Variants in ZBTB46 observed in about 807,000 individuals in gnomAD.
ZBTB46 encodes the protein zinc finger and BTB domain-containing protein 46.
ZBTB46 carries 8 observed loss-of-function variants against 44.1 expected under a neutral mutation model. The observed-to-expected ratio is 0.18, with a 90% CI of 0.11 to 0.33. The LOEUF is 0.33. Among genes scored for constraint, ZBTB46 ranks in the 10% least tolerant of loss-of-function variants. The pLI is 1.00. For missense variants in ZBTB46, 651 were observed against 847.7 expected, an observed-to-expected ratio of 0.77 and a Z score of 2.88; for synonymous variants, 409 against 382.3, an observed-to-expected ratio of 1.07 and a Z score of -0.81.
Position 63,743,973 on chromosome 20 carries a change from A to G in ZBTB46, c.*2957T>C, listed in dbSNP as rs1209000863. On this transcript the variant is annotated 3_prime_UTR_variant, in exon 5 of 5. Coordinates refer to ENST00000245663, the MANE Select transcript of ZBTB46 (RefSeq NM_001369741.1). ...AGAAAAAAATCAACAATCTTCAAAC[A>G]CTGCCCTTTTTTTGTGTGTTTTGTT... The G allele has an allele frequency of 6.6e-6, 1 of 152,538 alleles. No individual in the cohort carries two copies. The highest frequency in any genetic ancestry group is 1.9e-4 in the East Asian group (1 of 5,342). The allele number at this position is 152,538 out of a possible 1,614,324, so 9.4% of individuals were successfully genotyped here.
At chr20:63,807,895 C>G (rs897459332) in intron 1 of ZBTB46, among the ~76,000 whole-genome samples, 1 of 152,250 alleles carries the variant, frequency 6.6e-6, no homozygotes, top group Non-Finnish European at 1.5e-5. Flanking sequence ...AAGTCCCCAC[C>G]TTGTGCGGCA....
At chr20:63,791,364 C>T (rs1601479111) in intron 1 of ZBTB46, among the ~76,000 whole-genome samples, 1 of 151,866 alleles carries the variant, frequency 6.6e-6, no homozygotes, top group African/African-American at 2.4e-5. Flanking sequence ...GGCATGGTGG[C>T]GGGAGCCTGT....
At chr20:63,811,126 G>A (rs898234524) in intron 1 of ZBTB46, among the ~76,000 whole-genome samples, 18 of 144,582 alleles carry the variant, frequency 1.2e-4, no homozygotes, top group Admixed American at 8.9e-4. Context: ...GCCCCACCCC[G>A]CCCAGCCCAC....
chr20:63,829,625 G>A (rs1237183695), intron 1 of ZBTB46, among the ~76,000 whole-genome samples: 1 of 152,182 alleles, frequency 6.6e-6, no homozygotes, highest in Non-Finnish European at 1.5e-5. Flanking sequence ...TGGTAACCAG[G>A]CTGAGGTGCC....
chr20:63,746,826 CCGCGAGAGGGGT>C lies in ZBTB46; in HGVS notation c.*92_*103del. 1 of 1,405,998 alleles carries C rather than the reference CCGCGAGAGGGGT, an allele frequency of 7.1e-7. No individual in the cohort carries two copies. Among genetic ancestry groups the C allele is most frequent in the Non-Finnish European group, 9.2e-7 (1 of 1,082,022 alleles). The allele number at this position is 1,405,998 out of a possible 1,614,324, so 87.1% of individuals were successfully genotyped here. A position where few individuals can be genotyped will look rare whatever the true frequency, so the allele number is the denominator to read the frequency against. On this transcript the variant is annotated 3_prime_UTR_variant, in exon 5 of 5. Coordinates refer to ENST00000245663, the MANE Select transcript of ZBTB46 (RefSeq NM_001369741.1). ...GGTTCAGGGGGAAGCAGAGGAGGGG[CCGCGAGAGGGGT>C]GAGCGTGGCCCTGGCCCCGCAGTGG...
chr20:63,747,723 T>C (rs1418797611), intron 4 of ZBTB46, among the ~76,000 whole-genome samples: 6 of 152,096 alleles, frequency 3.9e-5, no homozygotes, highest in Non-Finnish European at 1.5e-5. Context: ...AAGGCAGCCC[T>C]GTCCCAAGGG....
intron 1 of ZBTB46, among the ~76,000 whole-genome samples, chr20:63,810,455 G>A (rs1019734923): frequency 2.0e-5 from 3 of 152,050 alleles, no homozygotes; most frequent in African/African-American, 4.8e-5. Context: ...CCTTCCCCTC[G>A]CAAACCAAGG....
intron 1 of ZBTB46, among the ~76,000 whole-genome samples, chr20:63,826,746 A>G (rs896718893): frequency 5.3e-5 from 8 of 152,298 alleles, no homozygotes; most frequent in Non-Finnish European, 8.8e-5. Flanking sequence ...TGCTTCACGG[A>G]TGACTTTTCC....
chr20:63,787,890 G>A lies in ZBTB46; in HGVS notation c.937+1931C>T, dbSNP rs1019897000. On this transcript the variant is annotated intron_variant, in intron 2 of 4. Coordinates refer to ENST00000245663, the MANE Select transcript of ZBTB46 (RefSeq NM_001369741.1). The surrounding 1 kb of genome is among the most constrained non-coding windows in gnomAD (Gnocchi z 4.6). ...AGGAGGGACCAGGGTCAGGAGAAGA[G>A]GCCACACCCGCCCTGCCCAGGAAGC... 1 of 152,232 alleles carries A rather than the reference G, an allele frequency of 6.6e-6. No homozygotes were observed. The highest frequency in any genetic ancestry group is 6.5e-5 in the Admixed American group (1 of 15,280). The allele number at this position is 152,232 out of a possible 1,614,324, so 9.4% of individuals were successfully genotyped here.
rs1415055628 is a variant in ZBTB46, at chr20:63,787,882, G to A, written c.937+1939C>T. The stretch of plus-strand genomic sequence containing the variant: ...CGACGGAGAGGAGGGACCAGGGTCA[G>A]GAGAAGAGGCCACACCCGCCCTGCC... On this transcript the variant is annotated intron_variant, in intron 2 of 4. Transcript: ENST00000245663. The surrounding 1 kb of genome is among the most constrained non-coding windows in gnomAD (Gnocchi z 4.6). 6.6e-6 allele frequency: 1 copy of A among 152,272 alleles called. No homozygotes were observed. Among genetic ancestry groups the A allele is most frequent in the African/African-American group, 2.4e-5 (1 of 41,478 alleles). The allele number at this position is 152,272 out of a possible 1,614,324, so 9.4% of individuals were successfully genotyped here.
chr20:63,746,885 G>C lies in ZBTB46; in HGVS notation c.*45C>G. 1 of 1,474,740 alleles carries C rather than the reference G, an allele frequency of 6.8e-7. No individual in the cohort carries two copies. Among genetic ancestry groups the C allele is most frequent in the Non-Finnish European group, 9.0e-7 (1 of 1,114,162 alleles). 91.4% of individuals were successfully genotyped at this position (1,474,740 alleles called of 1,614,324 possible). On this transcript the variant is annotated 3_prime_UTR_variant, in exon 5 of 5. Coordinates refer to ENST00000245663, the MANE Select transcript of ZBTB46 (RefSeq NM_001369741.1). ...GTGGAGACCCACCGGACACACACAC[G>C]GGTGGACGGAGCGAGGCAGCCACCG...
At chr20:63,748,387 G>C (rs1250606091) in intron 4 of ZBTB46, among the ~76,000 whole-genome samples, 1 of 152,226 alleles carries the variant, frequency 6.6e-6, no homozygotes, top group Non-Finnish European at 1.5e-5. Flanking sequence ...GGCCCCAGGT[G>C]GGCTTCCGCT....
intron 2 of ZBTB46, among the ~76,000 whole-genome samples, chr20:63,783,525 G>A (rs2092487963): frequency 6.6e-6 from 1 of 152,216 alleles, no homozygotes; most frequent in Admixed American, 6.6e-5. Flanking sequence ...TCCTGTGAAG[G>A]GTGTTATTGT....
chr20:63,824,320 A>C (rs2092808851), intron 1 of ZBTB46, among the ~76,000 whole-genome samples: 1 of 152,088 alleles, frequency 6.6e-6, no homozygotes, highest in South Asian at 2.1e-4. Flanking sequence ...TTTCGAAAAT[A>C]CCTAAGCTGG....
chr20:63,831,148 G>GCGCCGGTGATCGCCGCCGC lies in ZBTB46; in HGVS notation c.-104_-86dup, dbSNP rs1461001661. The GCGCCGGTGATCGCCGCCGC allele has an allele frequency of 2.8e-5, 4 of 142,224 alleles. No individual in the cohort carries two copies. Among genetic ancestry groups the GCGCCGGTGATCGCCGCCGC allele is most frequent in the African/African-American group, 1.0e-4 (4 of 39,604 alleles). 8.8% of individuals were successfully genotyped at this position (142,224 alleles called of 1,614,324 possible). On this transcript the variant is annotated 5_prime_UTR_variant, in exon 1 of 5. Transcript: ENST00000245663. ...GGCGGGCGCCGCGGCCGCCGGGCCG[G>GCGCCGGTGATCGCCGCCGC]CGCCGGTGATCGCCGCCGCCGCCGG... is the stretch of plus-strand genomic sequence containing the variant.
chr20:63,745,516 C>T lies in ZBTB46; in HGVS notation c.*1414G>A, dbSNP rs1601375018. On this transcript the variant is annotated 3_prime_UTR_variant, in exon 5 of 5. Coordinates refer to ENST00000245663, the MANE Select transcript of ZBTB46 (RefSeq NM_001369741.1). ...AGGCTAGAAAAAGAGAGTAAAAACTCTTTCCACGCAGCCCTGAAGCTCAGC... is the reference window on the plus strand; with the variant it reads ...AGGCTAGAAAAAGAGAGTAAAAACTTTTTCCACGCAGCCCTGAAGCTCAGC... The T allele has an allele frequency of 1.3e-5, 2 of 152,272 alleles. No homozygotes were observed. The highest frequency in any genetic ancestry group is 2.9e-5 in the Non-Finnish European group (2 of 68,058). 9.4% of individuals were successfully genotyped at this position (152,272 alleles called of 1,614,324 possible).
chr20:63,748,033 G>C (rs1377329611), intron 4 of ZBTB46, among the ~76,000 whole-genome samples: 1 of 152,220 alleles, frequency 6.6e-6, no homozygotes, highest in Non-Finnish European at 1.5e-5. Flanking sequence ...CCACACCTCA[G>C]CCTGGCTGCG....
intron 1 of ZBTB46, among the ~76,000 whole-genome samples, chr20:63,807,666 C>G (rs1279381588): frequency 6.6e-6 from 1 of 152,258 alleles, no homozygotes; most frequent in Admixed American, 6.5e-5. Context: ...CATTTTTTAA[C>G]ATTTTGCCGC....
chr20:63,778,884 T>C (rs966959521), intron 2 of ZBTB46, among the ~76,000 whole-genome samples: 1 of 152,230 alleles, frequency 6.6e-6, no homozygotes, highest in Non-Finnish European at 1.5e-5. Context: ...GCAGGGCGGC[T>C]TAACAACGAA....
Sources: allele counts gnomAD v4.1 joint callset (sites outside exome capture counted in the v4.1 genomes callset), GRCh38; gene constraint gnomAD v4.1.1; non-coding constraint Gnocchi (gnomAD v3.1); transcripts MANE v1.5; gene names NCBI Gene and HGNC (gene_info 2026-07-23, HGNC 2026-07-21).